The following TACC2 variants were observed in gnomAD, a reference collection of about 807,000 sequenced individuals.
TACC2 encodes the protein transforming acidic coiled-coil containing protein 2.
A neutral mutation model predicts 227.3 loss-of-function variants in TACC2; 137 were observed. That is an observed-to-expected ratio of 0.60 (90% CI 0.52 to 0.69). The LOEUF (loss-of-function observed/expected upper bound fraction) is 0.69, where lower values mean the gene tolerates loss of function less well. TACC2 is among the 30% of genes least tolerant of loss of function. TACC2 has a pLI of 0.00. For synonymous variants in TACC2, 1,523 were observed against 1,487.5 expected (o/e 1.02, Z -0.55); for missense variants, 3,470 against 3,694.4 (o/e 0.94, Z 1.57).
intron 5 of TACC2, among the ~76,000 whole-genome samples, chr10:122,098,126 A>G (rs2081682793): frequency 6.6e-6 from 1 of 152,102 alleles, no homozygotes; most frequent in Non-Finnish European, 1.5e-5. Flanking sequence ...ACACGTGAGG[A>G]GTCAGCTGTT....
intron 16 of TACC2, among the ~76,000 whole-genome samples, chr10:122,236,045 A>G (rs992854210): frequency 2.6e-5 from 4 of 152,274 alleles, no homozygotes; most frequent in Non-Finnish European, 1.5e-5. Flanking sequence ...AACCGGTCCT[A>G]ACTCAGTCAT....
chr10:122,185,454 C>A (rs1200661823), intron 7 of TACC2, among the ~76,000 whole-genome samples: 1 of 152,204 alleles, frequency 6.6e-6, no homozygotes, highest in Non-Finnish European at 1.5e-5. Context: ...CCTCAGCCTC[C>A]CAAAGTCCTG....
chr10:122,039,065 T>G (rs774435030), intron 2 of TACC2, among the ~76,000 whole-genome samples: 4 of 152,186 alleles, frequency 2.6e-5, no homozygotes, highest in South Asian at 4.1e-4. Flanking sequence ...AACCTCTGCC[T>G]CCTGGGTTCA....
At chr10:121,996,139 G>C (rs1270684082) in intron 1 of TACC2, among the ~76,000 whole-genome samples, 1 of 152,002 alleles carries the variant, frequency 6.6e-6, no homozygotes, top group African/African-American at 2.4e-5. Flanking sequence ...GTGTAGCCTT[G>C]ACTTCCTGGG....
chr10:122,194,973 G>C lies in TACC2; in HGVS notation c.5835-67G>C. 6.5e-7 allele frequency: 1 copy of C among 1,530,610 alleles called. No homozygotes were observed. 94.8% of individuals were successfully genotyped at this position (1,530,610 alleles called of 1,614,324 possible). A position where few individuals can be genotyped will look rare whatever the true frequency, so the allele number is the denominator to read the frequency against. ...GAACCCACTGGCTCTGGGTGCGAAG[G>C]CCACACCGGCTCAGCAGAACTGGCT... On this transcript the variant is annotated intron_variant, in intron 7 of 22. Coordinates refer to ENST00000369005, the MANE Select transcript of TACC2 (RefSeq NM_206862.4). This position sits in a 1 kb window ranked among gnomAD's most constrained non-coding sequence, Gnocchi z 4.4.
intron 7 of TACC2, chr10:122,192,776 T>G (rs2094452942): frequency 2.2e-6 from 1 of 456,574 alleles, no homozygotes; most frequent in African/African-American, 2.0e-5. Flanking sequence ...CTGCTGGTGC[T>G]TCAGGGAGAC....
chr10:122,070,678 G>A (rs1269569032), intron 3 of TACC2, among the ~76,000 whole-genome samples: 2 of 151,784 alleles, frequency 1.3e-5, no homozygotes, highest in African/African-American at 4.8e-5. Flanking sequence ...ACTTGAACCC[G>A]GGAGGTAGAG....
Position 122,216,775 on chromosome 10 carries a change from C to A in TACC2, c.7493C>A (p.Pro2498His), listed in dbSNP as rs375024095. ...LEADKQDYPQ[P>H]SDLSTFVNET... ...GCTGACAAACAGGACTACCCGCAGC[C>A]CTCGGACCTGTCCACCTTTGTAAAC... The change falls in exon 11 of 23, where the codon CCC (proline) becomes CAC (histidine). Residue 2498 changes from proline to histidine, a missense_variant. Physicochemically the swap from Pro to His is moderately conservative, Grantham distance 77 (BLOSUM62 -2). Transcript: ENST00000369005. The A allele has an allele frequency of 3.7e-6, 6 of 1,613,960 alleles. No homozygotes were observed. The African/African-American group carries it at 8.0e-5, about 22-fold the overall frequency.
At chr10:122,089,301 C>T (rs530797321) in intron 5 of TACC2, among the ~76,000 whole-genome samples, 1 of 152,314 alleles carries the variant, frequency 6.6e-6, no homozygotes, top group Non-Finnish European at 1.5e-5. Context: ...ACACCCGCCG[C>T]ATCATCTCTA....
chr10:122,237,331 G>A (rs1171994289), intron 16 of TACC2, 64 bp from the exon 17 acceptor site: 48 of 1,490,250 alleles, frequency 3.2e-5, no homozygotes, highest in Non-Finnish European at 4.3e-5. Context: ...GAGGGTGAGT[G>A]TAATCCTCTT....
chr10:122,250,619 C>T (rs781501792), intron 22 of TACC2, among the ~76,000 whole-genome samples: 26 of 152,144 alleles, frequency 1.7e-4, no homozygotes, highest in Non-Finnish European at 1.5e-4. Flanking sequence ...CTGCCCTGGG[C>T]AGGTGCCAGT....
intron 6 of TACC2, among the ~76,000 whole-genome samples, chr10:122,138,970 C>T (rs755827338): frequency 6.6e-6 from 1 of 152,178 alleles, no homozygotes; most frequent in African/African-American, 2.4e-5. Flanking sequence ...CTCTGTAAAC[C>T]AGGACTCATC....
intron 7 of TACC2, among the ~76,000 whole-genome samples, chr10:122,178,386 A>G (rs12217636): frequency 6.6e-6 from 1 of 151,530 alleles, no homozygotes; most frequent in Non-Finnish European, 1.5e-5. Flanking sequence ...ACAGGCACAC[A>G]CCACCACACG....
At chr10:122,096,414 C>T (rs1248129672) in intron 5 of TACC2, among the ~76,000 whole-genome samples, 4 of 152,182 alleles carry the variant, frequency 2.6e-5, no homozygotes, top group South Asian at 2.1e-4. Flanking sequence ...TGCCCCTTAC[C>T]GGCCAGGCGC....
At chr10:122,207,667 T>C (rs992778873) in intron 8 of TACC2, among the ~76,000 whole-genome samples, 1 of 152,256 alleles carries the variant, frequency 6.6e-6, no homozygotes, top group South Asian at 2.1e-4. Context: ...TGGTTCATGA[T>C]GAGCTAATGA....
chr10:122,084,792 G>A lies in TACC2; in HGVS notation c.2292G>A (p.Gly764=). 1 of 1,613,624 alleles carries A rather than the reference G, an allele frequency of 6.2e-7. No homozygotes were observed. Among genetic ancestry groups the A allele is most frequent in the African/African-American group, 1.3e-5 (1 of 75,064 alleles). Residue 764 remains glycine, a synonymous_variant, in exon 4 of 23, where the codon GGG becomes GGA. Coordinates refer to ENST00000369005, the MANE Select transcript of TACC2 (RefSeq NM_206862.4). Reference sequence around the variant, plus strand: ...TGACGTCCCCAGATCAACCCCGCGGGCCGGCGTGTGATGCGTCGAGACAGG... The same window carrying A: ...TGACGTCCCCAGATCAACCCCGCGGACCGGCGTGTGATGCGTCGAGACAGG... The part of the protein sequence containing the change: ...GLLTSPDQPR[G]PACDASRQEF...
Position 122,085,810 on chromosome 10 carries a change from G to T in TACC2, c.3310G>T (p.Ala1104Ser). 1 of 1,613,116 alleles carries T rather than the reference G, an allele frequency of 6.2e-7. No individual in the cohort carries two copies. The change falls in exon 4 of 23, where the codon GCC becomes TCC. Residue 1104 changes from alanine to serine, a missense_variant. Ala to Ser is a moderately conservative substitution (Grantham distance 99). This residue lies in a region of TACC2 where 1,924 missense variants were observed against 1,978.3 expected (regional missense o/e 0.97). Transcript: ENST00000369005. ...CCCGCAGCAGAAAATGGAGTGCTGG[G>T]CCACTTCGGATGCAGAGTCCCCAAA... Reference protein sequence around the residue: ...PAPQQKMECWATSDAESPKLL... With the variant: ...PAPQQKMECWSTSDAESPKLL...
intron 3 of TACC2, among the ~76,000 whole-genome samples, chr10:122,081,363 C>A (rs1314364389): frequency 3.0e-4 from 42 of 138,778 alleles, no homozygotes; most frequent in Admixed American, 4.4e-4. Context: ...ACTAAAACTA[C>A]AAAAAAAAAA....
chr10:122,100,195 C>T (rs942903352), intron 5 of TACC2, among the ~76,000 whole-genome samples: 3 of 150,242 alleles, frequency 2.0e-5, no homozygotes, highest in Admixed American at 6.7e-5. Context: ...ACTTGGGAGG[C>T]GGAGCTTGCA....
Sources: gnomAD v4.1 joint callset for allele counts (sites outside exome capture counted in the v4.1 genomes callset) on GRCh38, gnomAD v4.1.1 for gene constraint, gnomAD v4.1.1 regional missense constraint, Gnocchi (gnomAD v3.1) non-coding constraint, MANE v1.5 for transcripts, NCBI Gene and HGNC (gene_info 2026-07-23, HGNC 2026-07-21) for gene names.